Variants in ANKS1B observed in about 807,000 individuals in gnomAD.
The protein encoded by ANKS1B is ankyrin repeat and sterile alpha motif domain containing 1B.
Under a neutral mutation model 148.3 loss-of-function variants are expected in ANKS1B, and 36 were observed. The observed-to-expected ratio is 0.24, with a 90% CI of 0.19 to 0.32. The LOEUF is 0.32. ANKS1B is among the 10% of genes least tolerant of loss of function. The pLI is 1.00. For missense variants in ANKS1B, 1,157 were observed against 1,542.6 expected, an observed-to-expected ratio of 0.75 and a Z score of 4.19; for synonymous variants, 542 against 560.8, an observed-to-expected ratio of 0.97 and a Z score of 0.47.
At chr12:99,256,770 G>T (rs772684330) in intron 12 of ANKS1B, among the ~76,000 whole-genome samples, 9 of 151,656 alleles carry the variant, frequency 5.9e-5, no homozygotes, top group Non-Finnish European at 1.0e-4. Flanking sequence ...CTCTCCACCT[G>T]GTTTGAAAAT....
chr12:99,689,757 T>C (rs1213973229), intron 8 of ANKS1B, among the ~76,000 whole-genome samples: 1 of 152,128 alleles, frequency 6.6e-6, no homozygotes, highest in Non-Finnish European at 1.5e-5. Flanking sequence ...TCTCCTCCAA[T>C]AGTCTACAAG....
At chr12:99,364,915 A>T (rs1050311014) in intron 12 of ANKS1B, among the ~76,000 whole-genome samples, 1 of 152,162 alleles carries the variant, frequency 6.6e-6, no homozygotes, top group South Asian at 2.1e-4. Context: ...TATTTCTGTA[A>T]ATGAATGTCC....
intron 2 of ANKS1B, among the ~76,000 whole-genome samples, chr12:99,817,293 C>T (rs1335376908): frequency 2.0e-5 from 3 of 151,506 alleles, no homozygotes; most frequent in African/African-American, 4.8e-5. Context: ...TGGCTCATTT[C>T]ACTTTACAAA....
In ANKS1B at chr12:99,772,908, C is replaced by T. The variant is rs759124644; in HGVS notation, c.1128+14G>A. 6.2e-7 allele frequency: 1 copy of T among 1,604,382 alleles called. No individual in the cohort carries two copies. The highest frequency in any genetic ancestry group is 8.5e-7 in the Non-Finnish European group (1 of 1,175,256). On this transcript the variant is annotated intron_variant, in intron 8 of 26. Transcript: ENST00000683438. ...GACAGACACATTATCTTCATTCCCC[C>T]CCGCCTTACTTACTACACTCTGGCT...
intron 4 of ANKS1B, among the ~76,000 whole-genome samples, chr12:99,787,332 T>G (rs1418107686): frequency 6.6e-6 from 1 of 152,178 alleles, no homozygotes; most frequent in Non-Finnish European, 1.5e-5. Flanking sequence ...GCTCGGCACT[T>G]CCTCTTGCCT....
intron 9 of ANKS1B, among the ~76,000 whole-genome samples, chr12:99,619,678 T>C (rs2098020730): frequency 6.6e-6 from 1 of 152,056 alleles, no homozygotes; most frequent in South Asian, 2.1e-4. Context: ...CTCTGCTTCA[T>C]GCCCAGGCAG....
chr12:99,194,035 C>T (rs927026639), intron 14 of ANKS1B, among the ~76,000 whole-genome samples: 9 of 151,724 alleles, frequency 5.9e-5, no homozygotes, highest in Non-Finnish European at 1.2e-4. Flanking sequence ...CTCTTTACCT[C>T]GTGATCCGCC....
At chr12:99,693,496 G>A (rs973960991) in intron 8 of ANKS1B, among the ~76,000 whole-genome samples, 2 of 152,120 alleles carry the variant, frequency 1.3e-5, no homozygotes, top group Admixed American at 6.6e-5. Flanking sequence ...TATGGTTGGC[G>A]GTAAGATGGG....
chr12:99,294,621 T>C (rs114982309), intron 12 of ANKS1B, among the ~76,000 whole-genome samples: 2,319 of 152,028 alleles, frequency 0.015, 64 homozygotes, highest in African/African-American at 0.053. Flanking sequence ...ATTGATAACA[T>C]AACAGGGTGA....
intron 10 of ANKS1B, among the ~76,000 whole-genome samples, chr12:99,466,202 G>A (rs550474223): frequency 6.6e-6 from 1 of 152,114 alleles, no homozygotes; most frequent in Admixed American, 6.6e-5. Flanking sequence ...GGTACATAAC[G>A]AAATGAAGAC....
intron 19 of ANKS1B, among the ~76,000 whole-genome samples, chr12:98,812,433 T>A (rs1270566377): frequency 6.6e-6 from 1 of 152,236 alleles, no homozygotes; most frequent in Non-Finnish European, 1.5e-5. Context: ...GACGTTTGCA[T>A]GACGAAATCA....
intron 17 of ANKS1B, among the ~76,000 whole-genome samples, chr12:98,922,997 C>T (rs1355235172): frequency 6.6e-6 from 1 of 151,962 alleles, no homozygotes; most frequent in Non-Finnish European, 1.5e-5. Context: ...GTTTTTTTCC[C>T]ACCAAAGCCC....
chr12:98,957,974 C>G (rs1311239120), intron 17 of ANKS1B, among the ~76,000 whole-genome samples: 1 of 152,092 alleles, frequency 6.6e-6, no homozygotes, highest in African/African-American at 2.4e-5. Flanking sequence ...AAATTCAGTA[C>G]TTGTAAATAG....
chr12:99,313,313 T>G (rs1239093959), intron 12 of ANKS1B, among the ~76,000 whole-genome samples: 2 of 152,160 alleles, frequency 1.3e-5, no homozygotes, highest in South Asian at 2.1e-4. Context: ...ATCAGACAGA[T>G]TCACAGCTGA....
At chr12:99,437,460 T>C (rs187479932) in intron 11 of ANKS1B, among the ~76,000 whole-genome samples, 162 of 152,096 alleles carry the variant, frequency 1.1e-3, no homozygotes, top group African/African-American at 3.7e-3. Context: ...TGTTCAATAT[T>C]GAGCCCATTT....
chr12:99,835,240 C>A (rs1200642547), intron 1 of ANKS1B, among the ~76,000 whole-genome samples: 3 of 128,690 alleles, frequency 2.3e-5, no homozygotes, highest in Admixed American at 8.0e-5. Context: ...GGTGAAACCC[C>A]ATCTCTACAA....
chr12:99,628,060 C>A (rs1423121120), intron 9 of ANKS1B, among the ~76,000 whole-genome samples: 4 of 152,066 alleles, frequency 2.6e-5, no homozygotes, highest in Non-Finnish European at 5.9e-5. Flanking sequence ...TTACACAAAC[C>A]TAAATGGTAC....
At chr12:99,321,145 AG>A (rs746672175) in intron 12 of ANKS1B, among the ~76,000 whole-genome samples, 2 of 152,216 alleles carry the variant, frequency 1.3e-5, no homozygotes, top group Non-Finnish European at 2.9e-5. Flanking sequence ...TAGGCTACTC[AG>A]GGGTCAGGGA....
rs142103377 is a variant in ANKS1B at position 99,984,932 on chromosome 12, G to A, written c.-695C>T. Among the ~76,000 whole-genome samples the A allele has an allele frequency of 0.031, 4,652 of 151,026 alleles. 111 individuals are homozygous for A. Among genetic ancestry groups the A allele is most frequent in the South Asian group, 0.07 (335 of 4,820 alleles). On this transcript the variant is annotated 5_prime_UTR_variant, in exon 1 of 27. Coordinates refer to ENST00000683438, the MANE Select transcript of ANKS1B (RefSeq NM_001352186.2). ...CCTGGTGCGGCCCGAGTTGGGTGGC[G>A]GGCTGGCGGGGAGGGGCCGGGCCGG...
Sources: gnomAD v4.1 joint callset for allele counts (sites outside exome capture counted in the v4.1 genomes callset) on GRCh38, gnomAD v4.1.1 for gene constraint, MANE v1.5 for transcripts, NCBI Gene and HGNC (gene_info 2026-07-23, HGNC 2026-07-21) for gene names.